The following FOXP1 variants were observed in gnomAD, a reference collection of about 807,000 sequenced individuals.
FOXP1 encodes the protein forkhead box P1.
Under a neutral mutation model 98.2 loss-of-function variants are expected in FOXP1, and 15 were observed. That is an observed-to-expected ratio of 0.15 (90% CI 0.10 to 0.24). The LOEUF is 0.24. Among genes scored for constraint, FOXP1 ranks in the 10% least tolerant of loss-of-function variants. FOXP1 has a pLI of 1.00. For missense variants in FOXP1, 633 were observed against 848.5 expected (o/e 0.75, Z 3.15); for synonymous variants, 371 against 314.5 (o/e 1.18, Z -1.90).
intron 3 of FOXP1, among the ~76,000 whole-genome samples, chr3:71,400,166 A>G (rs774597373): frequency 1.3e-5 from 2 of 152,196 alleles, no homozygotes; most frequent in Non-Finnish European, 2.9e-5. Context: ...GCAAGTAGGT[A>G]AAAAATGTTT....
At chr3:70,975,256 T>A (rs1439616775) in intron 17 of FOXP1, among the ~76,000 whole-genome samples, 1 of 152,258 alleles carries the variant, frequency 6.6e-6, no homozygotes, top group Non-Finnish European at 1.5e-5. Flanking sequence ...GTCTGCCTCA[T>A]GCTTCGACTT....
intron 3 of FOXP1, among the ~76,000 whole-genome samples, chr3:71,393,323 T>C (rs2081165614): frequency 6.6e-6 from 1 of 152,066 alleles, no homozygotes; most frequent in Non-Finnish European, 1.5e-5. Flanking sequence ...CTCAGTTTTT[T>C]TTTGTCTCCT....
chr3:71,439,219 C>T (rs1004775016), intron 3 of FOXP1, among the ~76,000 whole-genome samples: 2 of 152,194 alleles, frequency 1.3e-5, no homozygotes, highest in African/African-American at 4.8e-5. Flanking sequence ...ATTATGGCTG[C>T]ACGAGAGCTG....
chr3:71,543,986 T>TACACATATAC (rs1321281580), intron 2 of FOXP1, among the ~76,000 whole-genome samples: 31 of 151,848 alleles, frequency 2.0e-4, no homozygotes, highest in South Asian at 1.2e-3. Flanking sequence ...ACACTATATA[T>TACACATATAC]ACACATATAC....
intron 5 of FOXP1, among the ~76,000 whole-genome samples, chr3:71,266,651 A>C (rs959837203): frequency 2.6e-5 from 4 of 152,176 alleles, no homozygotes; most frequent in African/African-American, 7.2e-5. Context: ...CATAATGCTG[A>C]AGTTTGGGCT....
intron 3 of FOXP1, among the ~76,000 whole-genome samples, chr3:71,403,492 G>T (rs868750012): frequency 4.6e-5 from 7 of 152,386 alleles, no homozygotes; most frequent in Middle Eastern, 3.4e-3. Flanking sequence ...GTGAGTGTGT[G>T]TGCGCGTGCA....
intron 2 of FOXP1, among the ~76,000 whole-genome samples, chr3:71,494,000 G>T (rs1356931519): frequency 6.6e-6 from 1 of 151,836 alleles, no homozygotes; most frequent in Non-Finnish European, 1.5e-5. Context: ...TACTAATAAC[G>T]AACATTAAAA....
chr3:71,421,581 T>C (rs1228924359), intron 3 of FOXP1, among the ~76,000 whole-genome samples: 1 of 152,158 alleles, frequency 6.6e-6, no homozygotes, highest in Admixed American at 6.5e-5. Context: ...GGCATCCTAT[T>C]TTAGGATAAC....
intron 5 of FOXP1, among the ~76,000 whole-genome samples, chr3:71,216,527 G>A (rs559442130): frequency 2.0e-5 from 3 of 152,212 alleles, no homozygotes; most frequent in East Asian, 1.9e-4. Context: ...TATAGTAGCC[G>A]CATGATACTG....
chr3:71,287,280 T>C (rs907877195), intron 5 of FOXP1, among the ~76,000 whole-genome samples: 2 of 152,052 alleles, frequency 1.3e-5, no homozygotes, highest in Non-Finnish European at 2.9e-5. Context: ...AAGACCAGCC[T>C]GGGGAAAATG....
intron 4 of FOXP1, among the ~76,000 whole-genome samples, chr3:71,315,283 G>A (rs1465310209): frequency 2.6e-5 from 4 of 151,954 alleles, no homozygotes; most frequent in East Asian, 1.9e-4. Context: ...ACACCAGGGC[G>A]CTTTATCAGC....
chr3:71,411,950 C>T (rs1341744470), intron 3 of FOXP1, among the ~76,000 whole-genome samples: 1 of 152,174 alleles, frequency 6.6e-6, no homozygotes, highest in African/African-American at 2.4e-5. Flanking sequence ...TTACAAATCC[C>T]AACACTGTGA....
intron 6 of FOXP1, among the ~76,000 whole-genome samples, chr3:71,124,644 AAAAAAAAAAAG>A (rs929024956): frequency 6.5e-5 from 7 of 108,284 alleles, no homozygotes; most frequent in African/African-American, 1.6e-4. Flanking sequence ...ACTGTGTGTC[AAAAAAAAAAAG>A]AAAAAAAAAA....
intron 2 of FOXP1, among the ~76,000 whole-genome samples, chr3:71,563,769 A>G (rs2046712406): frequency 6.6e-6 from 1 of 152,238 alleles, no homozygotes; most frequent in South Asian, 2.1e-4. Flanking sequence ...CGTCAAAGAC[A>G]ATGTGACCAA....
At chr3:71,275,615 G>A (rs970666484) in intron 5 of FOXP1, among the ~76,000 whole-genome samples, 1 of 152,200 alleles carries the variant, frequency 6.6e-6, no homozygotes, top group Non-Finnish European at 1.5e-5. Context: ...AAAACATACC[G>A]AGGCACAATT....
intron 5 of FOXP1, among the ~76,000 whole-genome samples, chr3:71,294,811 A>G (rs2073120445): frequency 6.6e-6 from 1 of 152,178 alleles, no homozygotes; most frequent in Non-Finnish European, 1.5e-5. Context: ...TTAAGTGACA[A>G]TGAGTGGGAT....
intron 17 of FOXP1, 149 bp from the exon 18 acceptor site, chr3:70,972,825 A>C (rs1394912799): frequency 6.5e-6 from 5 of 764,146 alleles, no homozygotes; most frequent in Non-Finnish European, 1.0e-5. Context: ...CTCATGGTTA[A>C]GGATGTCTTT....
chr3:71,039,361 A>G (rs1027653233), intron 11 of FOXP1, among the ~76,000 whole-genome samples: 1 of 152,184 alleles, frequency 6.6e-6, no homozygotes, highest in Admixed American at 6.5e-5. Context: ...CCAGAATTAG[A>G]CTGTCTCTCA....
intron 6 of FOXP1, among the ~76,000 whole-genome samples, chr3:71,124,078 A>T (rs557418918): frequency 6.6e-6 from 1 of 152,106 alleles, no homozygotes; most frequent in East Asian, 1.9e-4. Flanking sequence ...CATGCAACAT[A>T]CCCAGGTAAC....
Sources: gnomAD v4.1 joint callset for allele counts (sites outside exome capture counted in the v4.1 genomes callset) on GRCh38, gnomAD v4.1.1 for gene constraint, MANE v1.5 for transcripts, NCBI Gene and HGNC (gene_info 2026-07-23, HGNC 2026-07-21) for gene names.